The following COL22A1 variants were observed in gnomAD, a reference collection of about 807,000 sequenced individuals.
COL22A1 encodes the protein collagen type XXII alpha 1 chain.
A neutral mutation model predicts 248.9 loss-of-function variants in COL22A1; 221 were observed. The observed-to-expected ratio is 0.89, with a 90% CI of 0.80 to 0.99. The LOEUF (loss-of-function observed/expected upper bound fraction) is 0.99. Ranked by LOEUF, COL22A1 falls within the 50% of genes least tolerant of loss-of-function variation. The pLI is 0.00. For missense variants in COL22A1, 2,240 were observed against 2,179.0 expected (o/e 1.03, Z -0.56); for synonymous variants, 891 against 793.4 (o/e 1.12, Z -2.07).
At chr8:138,782,973 A>G (rs1186854630) in intron 12 of COL22A1, among the ~76,000 whole-genome samples, 2 of 152,200 alleles carry the variant, frequency 1.3e-5, no homozygotes, top group Admixed American at 6.5e-5. Flanking sequence ...AGACAAAGGG[A>G]CTGTGCAAAG....
chr8:138,879,412 C>A (rs563670272), intron 2 of COL22A1, among the ~76,000 whole-genome samples: 2 of 152,104 alleles, frequency 1.3e-5, no homozygotes. Context: ...GGTCTTAAGG[C>A]CAGGTGCAGT....
At chr8:138,621,201 C>T (rs1189599047) in intron 52 of COL22A1, among the ~76,000 whole-genome samples, 1 of 152,196 alleles carries the variant, frequency 6.6e-6, no homozygotes, top group African/African-American at 2.4e-5. Context: ...TGGAGCAGTT[C>T]CTGCATAGGT....
intron 21 of COL22A1, 23 bp from the exon 22 acceptor site, chr8:138,751,534 A>G (rs759510635): frequency 6.4e-7 from 1 of 1,560,978 alleles, no homozygotes; most frequent in Non-Finnish European, 8.8e-7. Context: ...GAAAAAGGAA[A>G]AAGAGAGAGA....
At chr8:138,788,782 T>G (rs985327740) in intron 12 of COL22A1, among the ~76,000 whole-genome samples, 3 of 152,334 alleles carry the variant, frequency 2.0e-5, no homozygotes, top group African/African-American at 7.2e-5. Flanking sequence ...GGTAATTATG[T>G]TTAACGTTTA....
intron 36 of COL22A1, among the ~76,000 whole-genome samples, 191 bp downstream of exon 36, chr8:138,690,630 G>A (rs1050747351): frequency 6.6e-6 from 1 of 152,070 alleles, no homozygotes; most frequent in African/African-American, 2.4e-5. Context: ...TGGATAGCTG[G>A]CGAGTTGCCT....
In COL22A1 at chr8:138,825,947, T is replaced by C. The variant is rs140527171; in HGVS notation, c.969+711A>G. On this transcript the variant is annotated intron_variant, in intron 6 of 64. Transcript: ENST00000303045. ...GGTGTTGATGGCTTTGAATTTCAGA[T>C]TTCTCTTTCCTCACCGGACTGTGTG... 162 of 152,346 alleles carry C rather than the reference T, an allele frequency of 1.1e-3. 1 individual carries two copies. The highest frequency in any genetic ancestry group is 3.8e-3 in the African/African-American group (156 of 41,594). 9.4% of individuals were successfully genotyped at this position (152,346 alleles called of 1,614,324 possible).
intron 2 of COL22A1, among the ~76,000 whole-genome samples, chr8:138,879,437 A>T (rs917795180): frequency 6.6e-6 from 1 of 152,186 alleles, no homozygotes; most frequent in African/African-American, 2.4e-5. Flanking sequence ...CACGCCTGTA[A>T]TTCTAGCAAT....
chr8:138,801,399 G>T (rs1816988543), intron 11 of COL22A1, among the ~76,000 whole-genome samples: 1 of 152,142 alleles, frequency 6.6e-6, no homozygotes. Context: ...ACGCATGAGG[G>T]GGCAACAATG....
chr8:138,883,323 G>A lies in COL22A1; in HGVS notation c.-72-79C>T, dbSNP rs866882983. 27 of 761,966 alleles carry A rather than the reference G, an allele frequency of 3.5e-5. No homozygotes were observed. In the African/African-American group the frequency reaches 3.9e-4, roughly 11 times the overall value. 47.2% of individuals were successfully genotyped at this position (761,966 alleles called of 1,614,324 possible). A position where few individuals can be genotyped will look rare whatever the true frequency, so the allele number is the denominator to read the frequency against. On this transcript the variant is annotated intron_variant, in intron 1 of 64. Transcript: ENST00000303045. ...AGGCAAACTCTGGGCCCTGCCCAGG[G>A]GGATTCCCTACACCCAGCCTTCCAA... is the stretch of plus-strand genomic sequence containing the variant.
intron 18 of COL22A1, among the ~76,000 whole-genome samples, chr8:138,758,433 C>A (rs1833201443): frequency 6.6e-6 from 1 of 152,084 alleles, no homozygotes; most frequent in Non-Finnish European, 1.5e-5. Flanking sequence ...AACCATAGAC[C>A]CAATCCAGTA....
chr8:138,825,226 C>G (rs773575639), intron 6 of COL22A1, among the ~76,000 whole-genome samples: 15 of 152,202 alleles, frequency 9.9e-5, no homozygotes, highest in Non-Finnish European at 1.8e-4. Flanking sequence ...GCCTTCCACA[C>G]TTACAAAATC....
chr8:138,773,656 G>T (rs1462246769), intron 16 of COL22A1, among the ~76,000 whole-genome samples: 1 of 152,250 alleles, frequency 6.6e-6, no homozygotes, highest in Admixed American at 6.5e-5. Context: ...GGCAGGTGTT[G>T]CCCGCTAAAC....
intron 16 of COL22A1, among the ~76,000 whole-genome samples, chr8:138,770,198 CTCAGGACTGGAATGTTTACAGCCACCCA>C (rs1834246594): frequency 6.6e-6 from 1 of 152,148 alleles, no homozygotes; most frequent in African/African-American, 2.4e-5. Context: ...CCTGGGGAAC[CTCAGGACTGGAATGTTTACAGCCACCCA>C]ACGTTGTCTG....
At chr8:138,724,989 C>T (rs1243618112) in intron 24 of COL22A1, among the ~76,000 whole-genome samples, 2 of 152,234 alleles carry the variant, frequency 1.3e-5, no homozygotes, top group Non-Finnish European at 2.9e-5. Context: ...CTCCCCCATG[C>T]CCACTTTCAG....
intron 13 of COL22A1, among the ~76,000 whole-genome samples, chr8:138,780,228 A>C (rs531885087): frequency 6.6e-6 from 1 of 152,290 alleles, no homozygotes; most frequent in East Asian, 1.9e-4. Flanking sequence ...CTAGGGTCCA[A>C]GTAACTCCCC....
chr8:138,889,889 T>TA (rs1295705842), intron 1 of COL22A1, among the ~76,000 whole-genome samples: 2 of 152,182 alleles, frequency 1.3e-5, no homozygotes, highest in African/African-American at 4.8e-5. Context: ...TCCAAGTTTT[T>TA]AGAGAAATCT....
chr8:138,674,585 C>G (rs982078792), intron 41 of COL22A1, among the ~76,000 whole-genome samples: 1 of 152,112 alleles, frequency 6.6e-6, no homozygotes, highest in African/African-American at 2.4e-5. Context: ...CTTACTTAGG[C>G]GGGAACATAT....
At chr8:138,780,652 G>C (rs182795368) in intron 13 of COL22A1, among the ~76,000 whole-genome samples, 1 of 152,270 alleles carries the variant, frequency 6.6e-6, no homozygotes, top group Admixed American at 6.5e-5. Context: ...GTCTAGGCAC[G>C]GGGGATAACA....
chr8:138,859,182 G>T (rs1822260945), intron 3 of COL22A1, among the ~76,000 whole-genome samples: 1 of 152,230 alleles, frequency 6.6e-6, no homozygotes. Context: ...TCTCCCATTA[G>T]CACACAGCCT....
Sources: allele counts gnomAD v4.1 joint callset (sites outside exome capture counted in the v4.1 genomes callset), GRCh38; gene constraint gnomAD v4.1.1; transcripts MANE v1.5; gene names NCBI Gene and HGNC (gene_info 2026-07-23, HGNC 2026-07-21).